WDR27: variants seen among roughly 807,000 people sequenced by gnomAD.
WDR27 encodes WD repeat domain 27, also known as WD repeat-containing protein 27.
A neutral mutation model predicts 114.4 loss-of-function variants in WDR27; 100 were observed. The ratio of observed to expected loss-of-function variants is 0.87; its 90% CI spans 0.74 to 1.03. The LOEUF (loss-of-function observed/expected upper bound fraction) is 1.03. WDR27 is among the 50% of genes least tolerant of loss of function. The pLI is 0.00. For missense variants in WDR27, 1,129 were observed against 1,092.9 expected (o/e 1.03, Z -0.47); for synonymous variants, 449 against 423.1 (o/e 1.06, Z -0.75).
At chr6:169,438,236 C>CTTTTT in the WDR27 span, among the ~76,000 whole-genome samples, 14 of 105,380 alleles carry the variant, frequency 1.3e-4, no homozygotes, top group East Asian at 2.9e-4. Flanking sequence ...TTTACTTTTT[C>CTTTTT]TTTTTTTTTT....
chr6:169,626,990 A>C (rs1297168991), intron 21 of WDR27, among the ~76,000 whole-genome samples: 3 of 152,160 alleles, frequency 2.0e-5, no homozygotes, highest in Non-Finnish European at 4.4e-5. Flanking sequence ...TCCTGACAGC[A>C]CATTTCTCAT....
intron 25 of WDR27, among the ~76,000 whole-genome samples, chr6:169,503,432 T>C (rs1169798916): frequency 6.6e-6 from 1 of 152,206 alleles, no homozygotes; most frequent in Non-Finnish European, 1.5e-5. Context: ...TAACAACAGA[T>C]GACCTATCCC....
At chr6:169,656,964 C>T (rs924916920) in intron 13 of WDR27, among the ~76,000 whole-genome samples, 2 of 152,172 alleles carry the variant, frequency 1.3e-5, no homozygotes, top group African/African-American at 4.8e-5. Context: ...TGGCCGCCTC[C>T]CCCCGGCCTT....
the WDR27 span, among the ~76,000 whole-genome samples, chr6:169,436,679 C>T: frequency 6.6e-6 from 1 of 151,878 alleles, no homozygotes; most frequent in Non-Finnish European, 1.5e-5. Context: ...TGAAATCTTA[C>T]CATTATATTG....
chr6:169,512,871 G>A (rs1382354068), intron 25 of WDR27, among the ~76,000 whole-genome samples: 1 of 152,132 alleles, frequency 6.6e-6, no homozygotes. Flanking sequence ...TGTGAAGATA[G>A]AAAACACATA....
chr6:169,603,221 A>G (rs1808406965), intron 22 of WDR27, among the ~76,000 whole-genome samples: 1 of 151,900 alleles, frequency 6.6e-6, no homozygotes, highest in Admixed American at 6.6e-5. Context: ...GCAATGGCCA[A>G]GATAATTCTG....
At chr6:169,662,925 C>T (rs928903290) in intron 8 of WDR27, among the ~76,000 whole-genome samples, 11 of 147,750 alleles carry the variant, frequency 7.4e-5, no homozygotes, top group African/African-American at 2.2e-4. Context: ...GCGTGTGCAC[C>T]GCGGAGCATT....
rs1439508442 is a variant in WDR27, at chr6:169,580,950, T to TAC, written c.2523+1885_2523+1886insGT. Among the ~76,000 whole-genome samples the TAC allele has an allele frequency of 5.5e-3, 772 of 139,306 alleles. 9 individuals are homozygous for TAC. Among genetic ancestry groups the TAC allele is most frequent in the Middle Eastern group, 0.025 (7 of 276 alleles). 91.4% of individuals were successfully genotyped at this position (139,306 alleles called of 152,430 possible). ...AGTGAATTTTATATATATATATATA[T>TAC]ATACATATATATATATATAAATTCG... is the stretch of plus-strand genomic sequence containing the variant. On this transcript the variant is annotated intron_variant, in intron 24 of 25. Coordinates refer to ENST00000448612, the MANE Select transcript of WDR27 (RefSeq NM_182552.5).
At chr6:169,466,351 C>A (rs143315563) in intron 25 of WDR27, among the ~76,000 whole-genome samples, 1 of 152,252 alleles carries the variant, frequency 6.6e-6, no homozygotes, top group Non-Finnish European at 1.5e-5. Context: ...ACTCAGATTT[C>A]CACATGGCTG....
At chr6:169,564,184 C>T (rs1033538862) in intron 25 of WDR27, among the ~76,000 whole-genome samples, 1 of 152,246 alleles carries the variant, frequency 6.6e-6, no homozygotes, top group Admixed American at 6.5e-5. Context: ...GCTGAAGAAC[C>T]TGGAGTCTGA....
chr6:169,469,179 T>C (rs1786006640), intron 25 of WDR27, among the ~76,000 whole-genome samples: 1 of 152,154 alleles, frequency 6.6e-6, no homozygotes, highest in African/African-American at 2.4e-5. Context: ...ATTCATTCCA[T>C]CCAAACAGAC....
At chr6:169,633,110 C>A (rs1480356299) in intron 20 of WDR27, 42 bp from the exon 21 acceptor site, 8 of 1,555,732 alleles carry the variant, frequency 5.1e-6, no homozygotes, top group Non-Finnish European at 6.1e-6. Flanking sequence ...ACACTCTTAC[C>A]CATGGGGAAG....
At chr6:169,693,084 G>C (rs1784918288) in intron 1 of WDR27, among the ~76,000 whole-genome samples, 1 of 152,198 alleles carries the variant, frequency 6.6e-6, no homozygotes, top group South Asian at 2.1e-4. Context: ...CTTTAGAGCT[G>C]TGAGACAAAA....
intron 25 of WDR27, among the ~76,000 whole-genome samples, chr6:169,496,526 A>G (rs1790430309): frequency 6.6e-6 from 1 of 152,152 alleles, no homozygotes; most frequent in Non-Finnish European, 1.5e-5. Flanking sequence ...GTTTGCAGAT[A>G]TGTTTTATAT....
chr6:169,553,849 GAA>G (rs1770194207), intron 25 of WDR27, among the ~76,000 whole-genome samples: 1 of 152,182 alleles, frequency 6.6e-6, no homozygotes, highest in African/African-American at 2.4e-5. Context: ...CAGATGTTCT[GAA>G]GAGGCAGAAT....
intron 16 of WDR27, 63 bp from the exon 17 acceptor site, chr6:169,643,849 A>C (rs1254426378): frequency 1.3e-5 from 17 of 1,326,244 alleles, no homozygotes; most frequent in Non-Finnish European, 1.8e-5. Context: ...GTCACACTGT[A>C]GAAAAGCCTA....
intron 8 of WDR27, chr6:169,663,524 T>C (rs535138872): frequency 1.3e-5 from 2 of 152,266 alleles, no homozygotes; most frequent in Admixed American, 1.3e-4. Context: ...CAGGAGAGGG[T>C]CAGCTCCTTT....
intron 25 of WDR27, among the ~76,000 whole-genome samples, chr6:169,570,056 C>A (rs1464922919): frequency 6.6e-6 from 1 of 152,146 alleles, no homozygotes; most frequent in East Asian, 1.9e-4. Context: ...ACATTGGGCA[C>A]CACGGAATGC....
At chr6:169,606,605 C>T (rs1809244986) in intron 22 of WDR27, among the ~76,000 whole-genome samples, 1 of 152,168 alleles carries the variant, frequency 6.6e-6, no homozygotes, top group Non-Finnish European at 1.5e-5. Flanking sequence ...AGGATAATGG[C>T]TTCCAGCTCC....
Sources: allele counts gnomAD v4.1 joint callset (sites outside exome capture counted in the v4.1 genomes callset), GRCh38; gene constraint gnomAD v4.1.1; transcripts MANE v1.5; gene names NCBI Gene and HGNC (gene_info 2026-07-23, HGNC 2026-07-21).